Variants in DSC1 observed in about 807,000 individuals in gnomAD.
DSC1 encodes desmocollin-1.
A neutral mutation model predicts 98.8 loss-of-function variants in DSC1; 79 were observed. The ratio of observed to expected loss-of-function variants is 0.80; its 90% confidence interval spans 0.67 to 0.96. The LOEUF is 0.96. DSC1 is among the 50% of genes least tolerant of loss of function. The probability of loss-of-function intolerance (pLI) is 0.00; values close to 1 mark genes in which losing one functional copy is unlikely to be tolerated. For missense variants in DSC1, 1,115 were observed against 1,075.9 expected, an observed-to-expected ratio of 1.04 and a Z score of -0.51; for synonymous variants, 405 against 372.1, an observed-to-expected ratio of 1.09 and a Z score of -1.02.
chr18:31,155,284 T>A (rs549422756), intron 4 of DSC1, among the ~76,000 whole-genome samples: 73 of 152,320 alleles, frequency 4.8e-4, no homozygotes, highest in African/African-American at 1.7e-3. Flanking sequence ...AATTATGTGA[T>A]AATAAAACTA....
At chr18:31,159,229 A>G (rs1194664865) in intron 2 of DSC1, among the ~76,000 whole-genome samples, 3 of 137,386 alleles carry the variant, frequency 2.2e-5, no homozygotes, top group African/African-American at 8.1e-5. Flanking sequence ...AATTTTTTGT[A>G]TTTTTAGTAG....
rs764377072 is a variant in DSC1, at chr18:31,157,445, A to G, written c.277T>C (p.Ser93Pro). 6.2e-6 allele frequency: 10 copies of G among 1,614,216 alleles called. No homozygotes were observed. The South Asian group carries it at 1.1e-4, about 18-fold the overall frequency. ...LILSSERKSF[S>P]IFLSDGQRRE... ...CTCTGACCATCTGAAAGGAAAATGG[A>G]AAAACTTTTCCTTTCAGAAGACAAA... The change falls in exon 3 of 16, where the codon TCC becomes CCC. Residue 93 changes from serine (S) to proline (P), a missense_variant. Ser to Pro is a moderately conservative substitution (Grantham distance 74). Coordinates refer to ENST00000257198, the MANE Select transcript of DSC1 (RefSeq NM_024421.2).
intron 5 of DSC1, among the ~76,000 whole-genome samples, chr18:31,150,276 C>CCATCATCAGCAGCACTATCAT (rs1988950006): frequency 8.9e-6 from 1 of 112,200 alleles, no homozygotes; most frequent in Non-Finnish European, 1.9e-5. Flanking sequence ...ATCACCACTA[C>CCATCATCAGCAGCACTATCAT]CATCACCACC....
Position 31,134,055 on chromosome 18 carries a change from C to A in DSC1, c.1952G>T (p.Arg651Met). Residue 651 changes from arginine to methionine, a missense_variant, in exon 13 of 16, where the codon AGG (arginine) becomes ATG (methionine). Arg to Met is a moderately conservative substitution (Grantham distance 91). Transcript: ENST00000257198. ...YYSVPIQIKD[R>M]HGLVATHMLT... Reference sequence around the variant, plus strand: ...CATATGTGTTGCAACTAAACCATGCCTGTCTTTTATTTGAATAGGCACAGA... The same window carrying A: ...CATATGTGTTGCAACTAAACCATGCATGTCTTTTATTTGAATAGGCACAGA... The A allele has an allele frequency of 6.2e-7, 1 of 1,612,214 alleles. No individual in the cohort carries two copies. The highest frequency in any genetic ancestry group is 8.5e-7 in the Non-Finnish European group (1 of 1,179,532).
At position 31,132,664 on chromosome 18, in the gene DSC1, G is replaced by A; in HGVS notation, c.2142C>T (p.Val714=). 1 of 1,612,966 alleles carries A rather than the reference G, an allele frequency of 6.2e-7. No individual in the cohort carries two copies. The highest frequency in any genetic ancestry group is 1.1e-5 in the South Asian group (1 of 91,022). The change falls in exon 14 of 16, where the codon GTC becomes GTT. Residue 714 remains valine, a synonymous_variant. Coordinates refer to ENST00000257198, the MANE Select transcript of DSC1 (RefSeq NM_024421.2). The part of the protein sequence containing the change: ...LLCILFTCFC[V]TAKRTVKKCF... Reference sequence around the variant, plus strand: ...ATTTCTTGACTGTTCTCTTAGCAGTGACACAGAAACATGTAAACAGAATAC... The same window carrying A: ...ATTTCTTGACTGTTCTCTTAGCAGTAACACAGAAACATGTAAACAGAATAC...
At chr18:31,150,240 C>G (rs1277600742) in intron 5 of DSC1, among the ~76,000 whole-genome samples, 12 of 135,112 alleles carry the variant, frequency 8.9e-5, no homozygotes, top group East Asian at 2.8e-4. Context: ...ACCATCATCA[C>G]CACCACTACC....
Position 31,134,769 on chromosome 18 carries a change from G to C in DSC1, c.1679C>G (p.Thr560Ser), listed in dbSNP as rs911378952. 2 of 1,609,094 alleles carry C rather than the reference G, an allele frequency of 1.2e-6. No individual in the cohort carries two copies. Among genetic ancestry groups the C allele is most frequent in the African/African-American group, 2.7e-5 (2 of 74,816 alleles). Residue 560 changes from threonine to serine, a missense_variant, in exon 12 of 16, where the codon ACT becomes AGT. Transcript: ENST00000257198. ...VAVDAVGRSCTGTLVVHLDDY... is the reference protein window; with the variant it reads ...VAVDAVGRSCSGTLVVHLDDY... Reference sequence around the variant, plus strand: ...ATCCAAATGAACTACTAATGTTCCAGTGCAAGATCGGCCAACTAAGATTAA... The same window carrying C: ...ATCCAAATGAACTACTAATGTTCCACTGCAAGATCGGCCAACTAAGATTAA...
At chr18:31,158,636 T>A (rs898248314) in intron 2 of DSC1, among the ~76,000 whole-genome samples, 3 of 152,192 alleles carry the variant, frequency 2.0e-5, no homozygotes, top group Non-Finnish European at 4.4e-5. Context: ...GAGATGGCTA[T>A]GGTACTAAGA....
chr18:31,151,729 C>T (rs972838465), intron 5 of DSC1, among the ~76,000 whole-genome samples: 1 of 152,042 alleles, frequency 6.6e-6, no homozygotes, highest in Non-Finnish European at 1.5e-5. Flanking sequence ...TTGAGTTTGG[C>T]CTTACAGTGG....
chr18:31,141,435 A>T (rs1013282642), intron 9 of DSC1, among the ~76,000 whole-genome samples: 3 of 152,178 alleles, frequency 2.0e-5, no homozygotes, highest in African/African-American at 7.2e-5. Context: ...GGACTAAAAA[A>T]GAATTAGGTC....
At chr18:31,145,873 C>T in intron 6 of DSC1, 96 bp from the exon 7 acceptor site, 1 of 1,310,254 alleles carries the variant, frequency 7.6e-7, no homozygotes, top group African/African-American at 1.5e-5. Flanking sequence ...AAATTCTCCC[C>T]CAAACCACAA....
intron 6 of DSC1, among the ~76,000 whole-genome samples, 178 bp from the exon 7 acceptor site, chr18:31,145,955 G>T (rs999781935): frequency 6.6e-6 from 1 of 152,152 alleles, no homozygotes; most frequent in Non-Finnish European, 1.5e-5. Context: ...CCTTACTCGG[G>T]AACTTCAGTT....
At position 31,131,917 on chromosome 18, in the gene DSC1, A is replaced by G. The variant is rs1598611790; in HGVS notation, c.2239-75T>C. 12 of 1,533,230 alleles carry G rather than the reference A, an allele frequency of 7.8e-6. No individual in the cohort carries two copies. In the East Asian group the frequency reaches 1.4e-4, roughly 18 times the overall value. 95.0% of individuals were successfully genotyped at this position (1,533,230 alleles called of 1,614,324 possible). ...CAATTCATTTTCATTTTTTTTCACC[A>G]TAGGCAAATCACTTGCCTGCTGTGC... On this transcript the variant is annotated intron_variant, in intron 14 of 15. Coordinates refer to ENST00000257198, the MANE Select transcript of DSC1 (RefSeq NM_024421.2).
At chr18:31,158,087 T>C (rs1248282122) in intron 2 of DSC1, among the ~76,000 whole-genome samples, 5 of 152,132 alleles carry the variant, frequency 3.3e-5, no homozygotes, top group African/African-American at 1.2e-4. Context: ...GCCAATATGG[T>C]GAAACTCCAT....
intron 1 of DSC1, among the ~76,000 whole-genome samples, chr18:31,161,925 C>A (rs1434116472): frequency 1.3e-5 from 2 of 152,144 alleles, no homozygotes; most frequent in Non-Finnish European, 1.5e-5. Context: ...TGTGAAATAA[C>A]CCCCCTCTCT....
intron 13 of DSC1, among the ~76,000 whole-genome samples, chr18:31,133,413 C>T (rs1988538500): frequency 6.6e-6 from 1 of 152,146 alleles, no homozygotes; most frequent in Admixed American, 6.6e-5. Flanking sequence ...CCATTTTTCA[C>T]TCACGGAAGT....
At chr18:31,158,111 A>G (rs1989137424) in intron 2 of DSC1, among the ~76,000 whole-genome samples, 3 of 152,266 alleles carry the variant, frequency 2.0e-5, no homozygotes, top group Admixed American at 1.3e-4. Flanking sequence ...TACTAAAAAT[A>G]CAAAAATTAG....
chr18:31,158,767 T>C (rs1989149244), intron 2 of DSC1, among the ~76,000 whole-genome samples: 1 of 152,182 alleles, frequency 6.6e-6, no homozygotes, highest in Non-Finnish European at 1.5e-5. Context: ...GGCATTTAGA[T>C]TTTGAGACAT....
chr18:31,142,610 T>C (rs886234584), intron 8 of DSC1, among the ~76,000 whole-genome samples: 1 of 152,188 alleles, frequency 6.6e-6, no homozygotes, highest in African/African-American at 2.4e-5. Flanking sequence ...GAGAATTGTT[T>C]TCACACCAGT....
Sources: allele counts gnomAD v4.1 joint callset (sites outside exome capture counted in the v4.1 genomes callset), GRCh38; gene constraint gnomAD v4.1.1; transcripts MANE v1.5; gene names NCBI Gene and HGNC (gene_info 2026-07-23, HGNC 2026-07-21).